The following GRID2 variants were observed in gnomAD, a reference collection of about 807,000 sequenced individuals.
GRID2 encodes glutamate receptor ionotropic, delta-2.
In GRID2, 33 loss-of-function variants were observed where a neutral mutation model predicts 114.8. The ratio of observed to expected loss-of-function variants is 0.29; its 90% CI spans 0.22 to 0.38. GRID2 has a LOEUF of 0.38. Among genes scored for constraint, GRID2 ranks in the 10% least tolerant of loss-of-function variants. The probability of loss-of-function intolerance (pLI) is 1.00; values close to 1 mark genes in which losing one functional copy is unlikely to be tolerated. For synonymous variants in GRID2, 505 were observed against 449.9 expected, an observed-to-expected ratio of 1.12 and a Z score of -1.55; for missense variants, 1,184 against 1,257.7, an observed-to-expected ratio of 0.94 and a Z score of 0.89.
intron 1 of GRID2, among the ~76,000 whole-genome samples, chr4:92,517,279 A>G (rs1724545605): frequency 6.6e-6 from 1 of 151,710 alleles, no homozygotes. Context: ...AGTTCCTCCC[A>G]TTTTTTTAGT....
chr4:92,612,761 T>G (rs963716458), intron 2 of GRID2, among the ~76,000 whole-genome samples: 2 of 151,456 alleles, frequency 1.3e-5, no homozygotes, highest in Non-Finnish European at 1.5e-5. Context: ...ATAAACTCTA[T>G]TTTTTGTATT....
At chr4:92,392,356 T>C (rs1730284603) in intron 1 of GRID2, among the ~76,000 whole-genome samples, 1 of 152,006 alleles carries the variant, frequency 6.6e-6, no homozygotes, top group Non-Finnish European at 1.5e-5. Context: ...CTGGCCATCA[T>C]GGTGAAATCC....
At chr4:92,873,491 G>T (rs931425577) in intron 2 of GRID2, among the ~76,000 whole-genome samples, 2 of 151,792 alleles carry the variant, frequency 1.3e-5, no homozygotes, top group South Asian at 4.2e-4. Context: ...AACTCACCTT[G>T]CTCCAGTATA....
intron 2 of GRID2, among the ~76,000 whole-genome samples, chr4:92,729,193 C>T (rs1736210259): frequency 1.3e-5 from 2 of 151,810 alleles, no homozygotes; most frequent in South Asian, 4.1e-4. Flanking sequence ...ATTTTTTTGA[C>T]CTCCAGAAAT....
At chr4:92,705,709 A>T (rs925162293) in intron 2 of GRID2, among the ~76,000 whole-genome samples, 7 of 152,158 alleles carry the variant, frequency 4.6e-5, no homozygotes, top group African/African-American at 1.7e-4. Context: ...TACATTTTCA[A>T]TCAGCTTATT....
intron 13 of GRID2, among the ~76,000 whole-genome samples, chr4:93,548,417 A>C (rs964457764): frequency 2.0e-5 from 3 of 152,172 alleles, no homozygotes; most frequent in Non-Finnish European, 4.4e-5. Flanking sequence ...TCTGACGGTA[A>C]ATTTTTTTCT....
intron 4 of GRID2, among the ~76,000 whole-genome samples, chr4:93,161,989 A>G (rs1438291976): frequency 6.6e-6 from 1 of 151,850 alleles, no homozygotes; most frequent in African/African-American, 2.4e-5. Context: ...AATTTCTAAT[A>G]TATTTCCAAA....
chr4:93,587,728 A>T (rs540001054), intron 13 of GRID2, among the ~76,000 whole-genome samples: 379 of 152,140 alleles, frequency 2.5e-3, no homozygotes, highest in South Asian at 0.013. Context: ...GGTAAAGAAA[A>T]TTTATTATAT....
chr4:93,188,365 G>A (rs944046545), intron 4 of GRID2, among the ~76,000 whole-genome samples: 11 of 152,182 alleles, frequency 7.2e-5, no homozygotes, highest in African/African-American at 2.7e-4. Flanking sequence ...CTGTACCTGG[G>A]CCCACATGAG....
chr4:93,029,108 G>A (rs949367976), intron 2 of GRID2, among the ~76,000 whole-genome samples: 1 of 152,004 alleles, frequency 6.6e-6, no homozygotes, highest in Admixed American at 6.6e-5. Context: ...AGCATTTTTA[G>A]ATTATTAAAA....
chr4:93,407,333 G>T (rs1560587860), intron 9 of GRID2, among the ~76,000 whole-genome samples: 1 of 152,262 alleles, frequency 6.6e-6, no homozygotes, highest in Middle Eastern at 3.4e-3. Flanking sequence ...CTTCTGGGAG[G>T]TGGGAAGATA....
intron 2 of GRID2, among the ~76,000 whole-genome samples, chr4:92,627,834 A>C (rs963358899): frequency 6.6e-5 from 10 of 152,174 alleles, no homozygotes; most frequent in African/African-American, 2.4e-4. Flanking sequence ...ACAACAAAAC[A>C]ATAAATCAAG....
At chr4:93,194,386 T>A (rs962762291) in intron 4 of GRID2, among the ~76,000 whole-genome samples, 1 of 152,218 alleles carries the variant, frequency 6.6e-6, no homozygotes, top group Non-Finnish European at 1.5e-5. Context: ...TAAGGAGTTT[T>A]TTTCAGATAT....
intron 1 of GRID2, among the ~76,000 whole-genome samples, chr4:92,309,282 G>A (rs969174605): frequency 6.6e-6 from 1 of 151,804 alleles, no homozygotes; most frequent in African/African-American, 2.4e-5. Flanking sequence ...AATTTCAAAA[G>A]CACACTTTTT....
intron 14 of GRID2, among the ~76,000 whole-genome samples, chr4:93,662,736 G>A (rs1442144459): frequency 6.6e-6 from 1 of 152,124 alleles, no homozygotes; most frequent in Admixed American, 6.5e-5. Flanking sequence ...ATAAAAAAAT[G>A]ACTTAAACCC....
At chr4:93,258,768 A>G (rs1401931117) in intron 8 of GRID2, 2 of 355,746 alleles carry the variant, frequency 5.6e-6, no homozygotes, top group Non-Finnish European at 1.1e-5. Flanking sequence ...ATTTAAAGCT[A>G]TAATTAACCA....
chr4:92,796,681 T>G (rs1026546151), intron 2 of GRID2, among the ~76,000 whole-genome samples: 14 of 151,986 alleles, frequency 9.2e-5, no homozygotes, highest in Admixed American at 9.2e-4. Context: ...ATTTTCCTAA[T>G]GGCATCTGGG....
At chr4:92,652,018 C>G (rs1279552326) in intron 2 of GRID2, among the ~76,000 whole-genome samples, 1 of 152,096 alleles carries the variant, frequency 6.6e-6, no homozygotes, top group Non-Finnish European at 1.5e-5. Flanking sequence ...ACCACTTCTT[C>G]ATGTACTTAC....
chr4:92,658,829 AAT>A (rs1732382425), intron 2 of GRID2, among the ~76,000 whole-genome samples: 2 of 146,508 alleles, frequency 1.4e-5, no homozygotes, highest in Non-Finnish European at 3.0e-5. Context: ...ACACACACAC[AAT>A]CACATTCATT....
Sources: gnomAD v4.1 joint callset for allele counts (sites outside exome capture counted in the v4.1 genomes callset) on GRCh38, gnomAD v4.1.1 for gene constraint, MANE v1.5 for transcripts, NCBI Gene and HGNC (gene_info 2026-07-23, HGNC 2026-07-21) for gene names.